The following THOC2 variants were observed in gnomAD, a reference collection of about 807,000 sequenced individuals.
THOC2 encodes the protein THO complex subunit 2, also known as THO complex 2.
THOC2 carries 10 observed loss-of-function variants against 128.4 expected under a neutral mutation model. That is an observed-to-expected ratio of 0.08 (90% CI 0.05 to 0.13). The LOEUF is 0.13. THOC2 is among the 10% of genes least tolerant of loss of function. The probability of loss-of-function intolerance (pLI) is 1.00; values close to 1 mark genes in which losing one functional copy is unlikely to be tolerated. For synonymous variants in THOC2, 393 were observed against 396.9 expected (o/e 0.99, Z 0.12); for missense variants, 535 against 1,155.7 (o/e 0.46, Z 7.79).
At chrX:123,699,577 C>A (rs1366177880) in intron 4 of THOC2, among the ~76,000 whole-genome samples, 1 of 110,895 alleles carries the variant, frequency 9.0e-6, no homozygotes, top group African/African-American at 3.3e-5. Flanking sequence ...GGGATTGGGG[C>A]TAAACTGGGC....
chrX:123,636,125 C>T lies in THOC2; in HGVS notation c.1972G>A (p.Ala658Thr). The T allele has an allele frequency of 1.7e-6, 2 of 1,209,081 alleles. No homozygotes were observed. The highest frequency in any genetic ancestry group is 2.2e-6 in the Non-Finnish European group (2 of 894,380). Reference sequence around the variant, plus strand: ...TTGGCAACATACTGAAGAAGACCAGCAAGATCAATTGGATATTTACGAAAA... The same window carrying T: ...TTGGCAACATACTGAAGAAGACCAGTAAGATCAATTGGATATTTACGAAAA... ...AVFRKYPIDL[A>T]GLLQYVANQL... The change falls in exon 19 of 39, where the codon GCT becomes ACT. Residue 658 changes from alanine to threonine, a missense_variant. By Grantham distance (58) the Ala-to-Thr change is moderately conservative. This residue lies in a region of THOC2 where 90 missense variants were observed against 298.6 expected (regional missense o/e 0.30). Coordinates refer to ENST00000245838, the MANE Select transcript of THOC2 (RefSeq NM_001081550.2).
chrX:123,723,426 GTA>G (rs1242459777), intron 1 of THOC2, among the ~76,000 whole-genome samples: 1 of 111,171 alleles, frequency 9.0e-6, no homozygotes, highest in Non-Finnish European at 1.9e-5. Flanking sequence ...TCTACACCTA[GTA>G]TATACTCCAC....
intron 15 of THOC2, among the ~76,000 whole-genome samples, chrX:123,643,768 T>G (rs1239700013): frequency 3.7e-5 from 4 of 108,719 alleles, no homozygotes; most frequent in Non-Finnish European, 3.8e-5. Flanking sequence ...ATTGTGATCA[T>G]GCACACACCT....
At chrX:123,652,733 C>T (rs1228022921) in intron 12 of THOC2, among the ~76,000 whole-genome samples, 2 of 111,294 alleles carry the variant, frequency 1.8e-5, no homozygotes, top group Non-Finnish European at 3.8e-5. Flanking sequence ...TGAAGGACCT[C>T]CTCAAGGAGA....
chrX:123,642,452 A>T (rs1014167082), intron 15 of THOC2, among the ~76,000 whole-genome samples: 1 of 110,792 alleles, frequency 9.0e-6, no homozygotes, highest in Non-Finnish European at 1.9e-5. Flanking sequence ...AAAAATAAGA[A>T]ATACAAGGAT....
chrX:123,644,504 A>T, intron 15 of THOC2, 71 bp downstream of exon 15: 1 of 806,738 alleles, frequency 1.2e-6, no homozygotes. Context: ...GGCTCAGACA[A>T]GCTACCTGAA....
rs1235145200 is a variant in THOC2 at position 123,627,828 on chromosome X, A to C, written c.2622T>G (p.Asp874Glu). 1 of 1,210,193 alleles carries C rather than the reference A, an allele frequency of 8.3e-7. No homozygotes were observed. The highest frequency in any genetic ancestry group is 1.1e-6 in the Non-Finnish European group (1 of 895,350). The change falls in exon 23 of 39, where the codon GAT becomes GAG. Residue 874 changes from aspartate (D) to glutamate (E), a missense_variant. Coordinates refer to ENST00000245838, the MANE Select transcript of THOC2 (RefSeq NM_001081550.2). ...TAGCATAGAATTGAGGGCTGATGTCATCCCAGACTTTGGAAACATGTAAGG... is the reference window on the plus strand; with the variant it reads ...TAGCATAGAATTGAGGGCTGATGTCCTCCCAGACTTTGGAAACATGTAAGG... ...VVSLHVSKVW[D>E]DISPQFYATF...
intron 7 of THOC2, among the ~76,000 whole-genome samples, chrX:123,688,421 T>G (rs2050092816): frequency 9.0e-6 from 1 of 111,370 alleles, no homozygotes; most frequent in South Asian, 3.7e-4. Flanking sequence ...AAAAAGCAAA[T>G]TAATCTACAG....
chrX:123,656,461 C>T (rs2048592301), intron 12 of THOC2, among the ~76,000 whole-genome samples: 1 of 110,633 alleles, frequency 9.0e-6, no homozygotes, highest in African/African-American at 3.3e-5. Flanking sequence ...GTAATCTCAG[C>T]ACTGTGGGAG....
At chrX:123,619,347 ATAAG>A in intron 33 of THOC2, 50 bp downstream of exon 33, 1 of 809,969 alleles carries the variant, frequency 1.2e-6, no homozygotes, top group South Asian at 2.5e-5. Flanking sequence ...ACTAAATAAA[ATAAG>A]TAAAGAACAT....
At chrX:123,612,723 C>T (rs1216621664) in intron 36 of THOC2, among the ~76,000 whole-genome samples, 1 of 111,653 alleles carries the variant, frequency 9.0e-6, no homozygotes, top group East Asian at 2.8e-4. Context: ...AACAGCCTAT[C>T]TTTTAAAGCA....
At chrX:123,714,043 A>G (rs2051308112) in intron 1 of THOC2, among the ~76,000 whole-genome samples, 1 of 111,640 alleles carries the variant, frequency 9.0e-6, no homozygotes, top group Non-Finnish European at 1.9e-5. Context: ...AATCTAACAG[A>G]GAGTGACCCA....
rs1350858830 is a variant in THOC2 at position 123,621,166 on chromosome X, G to T, written c.4207C>A (p.Pro1403Thr). The change falls in exon 31 of 39, where the codon CCT (proline) becomes ACT (threonine). Residue 1403 changes from proline (P) to threonine (T), a missense_variant. This residue lies in a region of THOC2 where 116 missense variants were observed against 180.0 expected (regional missense o/e 0.64). Coordinates refer to ENST00000245838, the MANE Select transcript of THOC2 (RefSeq NM_001081550.2). ...SPVPRSDIPE[P>T]EREQKRRKID... The stretch of plus-strand genomic sequence containing the variant: ...AGAAAGGTAAACTTGCCCCTTTCAG[G>T]CTCTGGAATATCTGATCTGGGAACA... 1 of 1,198,011 alleles carries T rather than the reference G, an allele frequency of 8.3e-7. No homozygotes were observed. The highest frequency in any genetic ancestry group is 1.8e-5 in the African/African-American group (1 of 56,079).
In THOC2 at chrX:123,709,923, TG is replaced by T. The variant is rs914175862; in HGVS notation, c.130+2926del. Among the ~76,000 whole-genome samples the T allele has an allele frequency of 1.7e-4, 19 of 109,114 alleles. No homozygotes were observed. In the Admixed American group the frequency reaches 1.8e-3, roughly 10 times the overall value. The allele number at this position is 109,114 out of a possible 115,157, so 94.8% of individuals were successfully genotyped here. On this transcript the variant is annotated intron_variant, in intron 2 of 38. Transcript: ENST00000245838. ...GTTGTTTCATTGGCAGTGGCTGGGG[TG>T]GGGGGGAAGGTGATTTATAAAAGAA...
At chrX:123,697,560 A>T in intron 5 of THOC2, 121 bp downstream of exon 5, 1 of 450,153 alleles carries the variant, frequency 2.2e-6, no homozygotes, top group South Asian at 3.3e-5. Context: ...TCAAAACCCA[A>T]ATCTCACCTT....
At chrX:123,626,209 T>C (rs2047265161) in intron 24 of THOC2, 140 bp from the exon 25 acceptor site, 2 of 458,673 alleles carry the variant, frequency 4.4e-6, no homozygotes, top group Admixed American at 5.0e-5. Flanking sequence ...CCAAATGTCA[T>C]GCCTGGTCAT....
chrX:123,663,954 T>C lies in THOC2; in HGVS notation c.1386+1688A>G, dbSNP rs180874164. 2.0e-3 allele frequency among the ~76,000 whole-genome samples: 219 copies of C among 111,953 alleles called. 2 individuals carry two copies. Among genetic ancestry groups the C allele is most frequent in the African/African-American group, 6.5e-3 (201 of 30,777 alleles). On this transcript the variant is annotated intron_variant, in intron 12 of 38. Coordinates refer to ENST00000245838, the MANE Select transcript of THOC2 (RefSeq NM_001081550.2). Reference sequence around the variant, plus strand: ...CCCTGCAAAGGACATGAACTCATCCTTTTTTATGACTGCATAGTATTCCAT... The same window carrying C: ...CCCTGCAAAGGACATGAACTCATCCCTTTTTATGACTGCATAGTATTCCAT...
chrX:123,680,108 T>G (rs1483019119), intron 8 of THOC2, among the ~76,000 whole-genome samples: 1 of 110,281 alleles, frequency 9.1e-6, no homozygotes, highest in Non-Finnish European at 1.9e-5. Flanking sequence ...AGAGCATTAG[T>G]AAAAGAGGAA....
Position 123,623,225 on chromosome X carries a change from G to A in THOC2, c.3562C>T (p.His1188Tyr). ...SYMIPENEFH[H>Y]KDPPPRNAVA... ...GCATTCCTCGGAGGGGGGTCTTTGT[G>A]ATGAAACTCATTTTCAGGTATCATG... The change falls in exon 29 of 39, where the codon CAC (histidine) becomes TAC (tyrosine). Residue 1188 changes from histidine to tyrosine, a missense_variant. His to Tyr is a moderately conservative substitution (Grantham distance 83, BLOSUM62 2). Transcript: ENST00000245838. 4 of 1,210,310 alleles carry A rather than the reference G, an allele frequency of 3.3e-6. No homozygotes were observed. Among genetic ancestry groups the A allele is most frequent in the Non-Finnish European group, 4.5e-6 (4 of 894,968 alleles).
Sources: gnomAD v4.1 joint callset for allele counts (sites outside exome capture counted in the v4.1 genomes callset) on GRCh38, gnomAD v4.1.1 for gene constraint, gnomAD v4.1.1 regional missense constraint, MANE v1.5 for transcripts, NCBI Gene and HGNC (gene_info 2026-07-23, HGNC 2026-07-21) for gene names.